Variants in NSUN6 observed in about 807,000 individuals in gnomAD.
The protein encoded by NSUN6 is tRNA (cytosine(72)-C(5))-methyltransferase NSUN6.
A neutral mutation model predicts 58.0 loss-of-function variants in NSUN6; 64 were observed. The ratio of observed to expected loss-of-function variants is 1.10; its 90% CI spans 0.90 to 1.36. The LOEUF (loss-of-function observed/expected upper bound fraction) is 1.36, where lower values mean the gene tolerates loss of function less well. Ranked by LOEUF, NSUN6 falls within the 40% of genes most tolerant of loss-of-function variation. NSUN6 has a pLI of 0.00. For synonymous variants in NSUN6, 231 were observed against 193.9 expected (o/e 1.19, Z -1.59); for missense variants, 701 against 550.1 (o/e 1.27, Z -2.74).
At position 18,596,228 on chromosome 10, in the gene NSUN6, C is replaced by T; in HGVS notation, c.757G>A (p.Ala253Thr). The T allele has an allele frequency of 6.2e-7, 1 of 1,611,812 alleles. No homozygotes were observed. The highest frequency in any genetic ancestry group is 8.5e-7 in the Non-Finnish European group (1 of 1,177,934). ...AAPGGKTTHI[A>T]ALMHDQGEVI... ...CTCACCTGATCATGCATTAGTGCTG[C>T]AATGTGTGTTGTTTTCCCTCCAGGT... Residue 253 changes from alanine to threonine, a missense_variant, in exon 7 of 11, where the codon GCA (alanine) becomes ACA (threonine). By Grantham distance (58) the Ala-to-Thr change is moderately conservative. Coordinates refer to ENST00000377304, the MANE Select transcript of NSUN6 (RefSeq NM_182543.5).
chr10:18,586,754 T>C (rs895559001), intron 7 of NSUN6, among the ~76,000 whole-genome samples: 2 of 152,130 alleles, frequency 1.3e-5, no homozygotes, highest in Non-Finnish European at 2.9e-5. Flanking sequence ...GTTTCCACTA[T>C]GTGGAAGGGG....
chr10:18,558,445 G>A (rs760895789), intron 8 of NSUN6, among the ~76,000 whole-genome samples: 1 of 151,100 alleles, frequency 6.6e-6, no homozygotes. Context: ...GGATGGTGTG[G>A]AGAATGGAAT....
chr10:18,568,017 A>G (rs1250313792), intron 8 of NSUN6, among the ~76,000 whole-genome samples: 1 of 147,644 alleles, frequency 6.8e-6, no homozygotes, highest in Non-Finnish European at 1.5e-5. Context: ...TCACCACTGC[A>G]TGCCATTCTA....
upstream of NSUN6, chr10:18,651,713 C>T: frequency 1.0e-6 from 1 of 985,784 alleles, no homozygotes; most frequent in Non-Finnish European, 1.2e-6. Context: ...TTCCCCAACA[C>T]TGCGTTACGC....
intron 8 of NSUN6, among the ~76,000 whole-genome samples, chr10:18,557,694 G>C (rs1471326775): frequency 2.0e-5 from 3 of 151,048 alleles, no homozygotes; most frequent in African/African-American, 7.3e-5. Context: ...GAATGGAATG[G>C]AAAGCGGAAT....
Position 18,651,531 on chromosome 10 carries a change from C to A in NSUN6, c.-328G>T. On this transcript the variant is annotated 5_prime_UTR_variant, in exon 1 of 11. Coordinates refer to ENST00000377304, the MANE Select transcript of NSUN6 (RefSeq NM_182543.5). Reference sequence around the variant, plus strand: ...CTTAGTAACTGAATCCGTGGTGAAACGGACGCAGATCAGTAAGCCAGGCTG... The same window carrying A: ...CTTAGTAACTGAATCCGTGGTGAAAAGGACGCAGATCAGTAAGCCAGGCTG... 1 of 1,020,684 alleles carries A rather than the reference C, an allele frequency of 9.8e-7. No homozygotes were observed. Among genetic ancestry groups the A allele is most frequent in the Non-Finnish European group, 1.2e-6 (1 of 853,336 alleles). 63.2% of individuals were successfully genotyped at this position (1,020,684 alleles called of 1,614,324 possible). A position where few individuals can be genotyped will look rare whatever the true frequency, so the allele number is the denominator to read the frequency against.
chr10:18,651,033 T>C, intron 1 of NSUN6, 96 bp downstream of exon 1: 1 of 1,450,472 alleles, frequency 6.9e-7, no homozygotes, highest in Non-Finnish European at 9.3e-7. Context: ...GAACGACGGC[T>C]GTCAAGATTT....
At position 18,628,343 on chromosome 10, in the gene NSUN6, A is replaced by G. The variant is rs188988331; in HGVS notation, c.312-12050T>C. Among the ~76,000 whole-genome samples the G allele has an allele frequency of 3.4e-3, 519 of 152,330 alleles. 1 individual carries two copies. Among genetic ancestry groups the G allele is most frequent in the Non-Finnish European group, 4.7e-3 (319 of 68,026 alleles). On this transcript the variant is annotated intron_variant, in intron 3 of 10. Coordinates refer to ENST00000377304, the MANE Select transcript of NSUN6 (RefSeq NM_182543.5). ...AAAAACTGGAAACTCTAAAAAGCAG[A>G]GCACCTCTCCTCCTCCAAAGGAATA... is the stretch of plus-strand genomic sequence containing the variant.
At chr10:18,596,103 T>A (rs2057574593) in intron 7 of NSUN6, 105 bp downstream of exon 7, 2 of 916,918 alleles carry the variant, frequency 2.2e-6, no homozygotes, top group Non-Finnish European at 3.4e-6. Flanking sequence ...TCATTTTGGC[T>A]GAATCTGAAC....
At chr10:18,610,031 A>G (rs4748494) in intron 5 of NSUN6, 105 bp from the exon 6 acceptor site, 378,381 of 718,026 alleles carry the variant, frequency 0.53, 105,314 homozygotes, top group East Asian at 0.98. Context: ...AAGATGCTCT[A>G]TCTTTTTAAG....
intron 8 of NSUN6, among the ~76,000 whole-genome samples, chr10:18,565,987 C>G (rs1422452996): frequency 2.2e-5 from 3 of 136,690 alleles, no homozygotes; most frequent in African/African-American, 5.2e-5. Flanking sequence ...ATACCATTCC[C>G]CATTCCATTA....
intron 8 of NSUN6, among the ~76,000 whole-genome samples, chr10:18,556,034 G>C (rs181969020): frequency 1.3e-5 from 2 of 151,524 alleles, no homozygotes; most frequent in East Asian, 3.9e-4. Context: ...GACTGGAATG[G>C]AGAATGGTGT....
intron 1 of NSUN6, among the ~76,000 whole-genome samples, chr10:18,649,516 T>G (rs2059643431): frequency 6.6e-6 from 1 of 151,638 alleles, no homozygotes; most frequent in Non-Finnish European, 1.5e-5. Context: ...AGGTCCCAGC[T>G]ACTCGGGAGG....
intron 7 of NSUN6, among the ~76,000 whole-genome samples, chr10:18,593,649 T>G (rs891266482): frequency 2.0e-5 from 3 of 151,364 alleles, no homozygotes; most frequent in African/African-American, 4.9e-5. Context: ...TAAGTGGGAG[T>G]TGAACAATGA....
chr10:18,578,229 C>CTTTTTT (rs766893679), intron 8 of NSUN6, among the ~76,000 whole-genome samples: 2 of 84,198 alleles, frequency 2.4e-5, no homozygotes, highest in Admixed American at 1.4e-4. Flanking sequence ...TTCTCTAAGC[C>CTTTTTT]TATTTTTTTT....
chr10:18,578,425 G>A (rs111622264), intron 8 of NSUN6, among the ~76,000 whole-genome samples: 1,806 of 152,032 alleles, frequency 0.012, 34 homozygotes, highest in African/African-American at 0.041. Context: ...GTAGAGATGG[G>A]GGTTTCACCA....
chr10:18,630,843 ATTCC>A (rs1322666285), intron 3 of NSUN6, among the ~76,000 whole-genome samples: 1 of 152,160 alleles, frequency 6.6e-6, no homozygotes, highest in African/African-American at 2.4e-5. Flanking sequence ...AACTGGTACC[ATTCC>A]TTCTGAAACT....
intron 8 of NSUN6, among the ~76,000 whole-genome samples, chr10:18,562,670 G>A (rs1429579019): frequency 2.0e-5 from 3 of 150,620 alleles, no homozygotes; most frequent in Non-Finnish European, 4.4e-5. Context: ...ATGGGAAGGA[G>A]AATGGAATGG....
chr10:18,644,876 G>C (rs142028665), intron 2 of NSUN6, among the ~76,000 whole-genome samples: 102 of 147,652 alleles, frequency 6.9e-4, no homozygotes, highest in African/African-American at 2.4e-3. Context: ...AAAACGTGTA[G>C]GTCAGGCACG....
Sources: gnomAD v4.1 joint callset for allele counts (sites outside exome capture counted in the v4.1 genomes callset) on GRCh38, gnomAD v4.1.1 for gene constraint, MANE v1.5 for transcripts, NCBI Gene and HGNC (gene_info 2026-07-23, HGNC 2026-07-21) for gene names.